TMEM132C: variants seen among roughly 807,000 people sequenced by gnomAD.
The protein encoded by TMEM132C is transmembrane protein 132C, also known as protein phosphatase 1, regulatory subunit 152.
A neutral mutation model predicts 61.4 loss-of-function variants in TMEM132C; 29 were observed. The observed-to-expected ratio is 0.47, with a 90% CI of 0.35 to 0.64. The LOEUF is 0.64. TMEM132C is among the 30% of genes least tolerant of loss of function. The pLI is 0.00. For synonymous variants in TMEM132C, 656 were observed against 633.1 expected (o/e 1.04, Z -0.54); for missense variants, 1,408 against 1,476.9 (o/e 0.95, Z 0.76).
chr12:128,517,126 G>A (rs879341486), intron 2 of TMEM132C, among the ~76,000 whole-genome samples: 2 of 151,782 alleles, frequency 1.3e-5, no homozygotes, highest in Non-Finnish European at 2.9e-5. Flanking sequence ...AGCTACTCAT[G>A]AGTCTGGGGC....
At chr12:128,402,470 C>T (rs959874252) in intron 1 of TMEM132C, among the ~76,000 whole-genome samples, 1 of 152,106 alleles carries the variant, frequency 6.6e-6, no homozygotes, top group Non-Finnish European at 1.5e-5. Flanking sequence ...TTCTGACCTC[C>T]AGGACTATAT....
intron 1 of TMEM132C, among the ~76,000 whole-genome samples, chr12:128,337,278 G>A (rs1321641039): frequency 6.6e-6 from 1 of 152,076 alleles, no homozygotes; most frequent in African/African-American, 2.4e-5. Flanking sequence ...GGAATGACTC[G>A]ATAAGAATAA....
At position 128,566,189 on chromosome 12, in the gene TMEM132C, C is replaced by CAAAAAAAAAAAAAAAAAAAA. The variant is rs59258589; in HGVS notation, c.1121+22104_1121+22105insAAAAAAAAAAAAAAAAAAAA. Reference sequence around the variant, plus strand: ...ATAGGCATGAGACACCAAGCCTAACCAAAAAAAAAAAAAAAAAAGTTTTAA... The same window carrying CAAAAAAAAAAAAAAAAAAAA: ...ATAGGCATGAGACACCAAGCCTAACCAAAAAAAAAAAAAAAAAAAAAAAAAAAAAAAAAAAAAAGTTTTAA... On this transcript the variant is annotated intron_variant, in intron 3 of 8. Coordinates refer to ENST00000435159, the MANE Select transcript of TMEM132C (RefSeq NM_001136103.3). 5.5e-4 allele frequency among the ~76,000 whole-genome samples: 37 copies of CAAAAAAAAAAAAAAAAAAAA among 67,798 alleles called. 1 individual carries two copies. Among genetic ancestry groups the CAAAAAAAAAAAAAAAAAAAA allele is most frequent in the Non-Finnish European group, 6.5e-4 (20 of 30,866 alleles). The allele number at this position is 67,798 out of a possible 152,430, so 44.5% of individuals were successfully genotyped here.
rs59258589 is a variant in TMEM132C, at chr12:128,566,189, C to CAAAAAAAAAAAAAAAAAAAAAA, written c.1121+22104_1121+22105insAAAAAAAAAAAAAAAAAAAAAA. On this transcript the variant is annotated intron_variant, in intron 3 of 8. Transcript: ENST00000435159. ...ATAGGCATGAGACACCAAGCCTAAC[C>CAAAAAAAAAAAAAAAAAAAAAA]AAAAAAAAAAAAAAAAAAGTTTTAA... Among the ~76,000 whole-genome samples, 109 of 67,712 alleles carry CAAAAAAAAAAAAAAAAAAAAAA rather than the reference C, an allele frequency of 1.6e-3. 7 individuals are homozygous for CAAAAAAAAAAAAAAAAAAAAAA. Among genetic ancestry groups the CAAAAAAAAAAAAAAAAAAAAAA allele is most frequent in the African/African-American group, 3.4e-3 (68 of 19,994 alleles). 44.4% of individuals were successfully genotyped at this position (67,712 alleles called of 152,430 possible).
intron 3 of TMEM132C, among the ~76,000 whole-genome samples, chr12:128,549,324 G>A (rs1417705431): frequency 6.6e-6 from 1 of 152,132 alleles, no homozygotes; most frequent in Non-Finnish European, 1.5e-5. Context: ...GCCAGGCCAT[G>A]GGGTGAGGAA....
chr12:128,432,338 GA>G (rs1428503498), intron 2 of TMEM132C, among the ~76,000 whole-genome samples: 8 of 152,240 alleles, frequency 5.3e-5, no homozygotes, highest in Admixed American at 2.6e-4. Flanking sequence ...AGCTGCCATA[GA>G]TAGTAATTCC....
intron 2 of TMEM132C, among the ~76,000 whole-genome samples, chr12:128,469,638 GTT>G (rs1565945268): frequency 2.8e-5 from 4 of 141,466 alleles, no homozygotes; most frequent in African/African-American, 9.2e-5. Flanking sequence ...GTGTGTGTGT[GTT>G]TGTGTGTGTG....
At chr12:128,594,591 T>C (rs887974100) in intron 3 of TMEM132C, among the ~76,000 whole-genome samples, 7 of 152,244 alleles carry the variant, frequency 4.6e-5, no homozygotes, top group African/African-American at 1.7e-4. Flanking sequence ...AGGCTCGGAA[T>C]TGGAGAAAGT....
intron 4 of TMEM132C, among the ~76,000 whole-genome samples, chr12:128,622,356 A>ACATAT: frequency 1.7e-5 from 1 of 59,214 alleles, no homozygotes; most frequent in East Asian, 4.4e-4. Flanking sequence ...AAAAAAAAAA[A>ACATAT]AAAAATATAT....
At chr12:128,479,963 A>G (rs10082769) in intron 2 of TMEM132C, among the ~76,000 whole-genome samples, 18,193 of 152,192 alleles carry the variant, frequency 0.12, 1,445 homozygotes, top group African/African-American at 0.21. Flanking sequence ...ATGGGGGGAA[A>G]AGTCTCCTTT....
chr12:128,450,605 A>G (rs907830602), intron 2 of TMEM132C, among the ~76,000 whole-genome samples: 7 of 152,232 alleles, frequency 4.6e-5, no homozygotes, highest in Admixed American at 1.3e-4. Context: ...TTGTATTCAT[A>G]TGCATAAGAA....
intron 1 of TMEM132C, among the ~76,000 whole-genome samples, chr12:128,330,670 T>C (rs12312137): frequency 0.019 from 2,835 of 152,332 alleles, 73 homozygotes; most frequent in African/African-American, 0.065. Flanking sequence ...TCTAAACTCT[T>C]TTCCCTTCAT....
intron 3 of TMEM132C, among the ~76,000 whole-genome samples, chr12:128,580,282 G>T (rs111356270): frequency 6.6e-6 from 1 of 152,044 alleles, no homozygotes; most frequent in Non-Finnish European, 1.5e-5. Context: ...TTAGCCGGAC[G>T]TGGTGGCGGG....
At chr12:128,663,663 A>C (rs1469417621) in intron 4 of TMEM132C, among the ~76,000 whole-genome samples, 1 of 152,158 alleles carries the variant, frequency 6.6e-6, no homozygotes. Flanking sequence ...GAATGACTTC[A>C]TGAAATTACT....
intron 5 of TMEM132C, among the ~76,000 whole-genome samples, chr12:128,686,153 TG>T (rs1954675115): frequency 1.3e-5 from 2 of 152,062 alleles, no homozygotes; most frequent in South Asian, 4.1e-4. Context: ...TATGTGTGTA[TG>T]TGTGTGATAG....
At chr12:128,306,449 A>G (rs529886234) in intron 1 of TMEM132C, among the ~76,000 whole-genome samples, 11 of 151,990 alleles carry the variant, frequency 7.2e-5, no homozygotes, top group East Asian at 2.0e-4. Flanking sequence ...TGATCTGCCC[A>G]CCTCGGCCTC....
intron 2 of TMEM132C, among the ~76,000 whole-genome samples, chr12:128,510,831 G>A (rs77241147): frequency 8.5e-5 from 13 of 152,348 alleles, no homozygotes; most frequent in Non-Finnish European, 1.3e-4. Context: ...CTCGCCTGGC[G>A]AGTGGCAGAT....
At chr12:128,350,270 G>A (rs1873295657) in intron 1 of TMEM132C, among the ~76,000 whole-genome samples, 1 of 152,120 alleles carries the variant, frequency 6.6e-6, no homozygotes. Flanking sequence ...TGCTGCTTTT[G>A]CGTTGAGGTG....
At chr12:128,643,239 C>A (rs1163604655) in intron 4 of TMEM132C, among the ~76,000 whole-genome samples, 3 of 152,190 alleles carry the variant, frequency 2.0e-5, no homozygotes, top group Non-Finnish European at 4.4e-5. Flanking sequence ...ATTAAATCTG[C>A]AAAGCTGGGC....
Sources: allele counts gnomAD v4.1 joint callset (sites outside exome capture counted in the v4.1 genomes callset), GRCh38; gene constraint gnomAD v4.1.1; transcripts MANE v1.5; gene names NCBI Gene and HGNC (gene_info 2026-07-23, HGNC 2026-07-21).